Variants in STK32A observed in about 807,000 individuals in gnomAD.
STK32A encodes serine/threonine-protein kinase 32A.
Under a neutral mutation model 53.2 loss-of-function variants are expected in STK32A, and 41 were observed. The ratio of observed to expected loss-of-function variants is 0.77; its 90% CI spans 0.60 to 1.00. The LOEUF is 1.00. STK32A is among the 50% of genes least tolerant of loss of function. The pLI is 0.00. For synonymous variants in STK32A, 166 were observed against 162.8 expected (o/e 1.02, Z -0.15); for missense variants, 458 against 485.8 (o/e 0.94, Z 0.54).
chr5:147,348,676 T>A, intron 6 of STK32A: 1 of 770,610 alleles, frequency 1.3e-6, no homozygotes, highest in Non-Finnish European at 2.4e-6. Context: ...ACCTGTGGAA[T>A]TTGTTGTTTT....
intron 2 of STK32A, among the ~76,000 whole-genome samples, chr5:147,267,701 G>C (rs1027592303): frequency 6.6e-6 from 1 of 152,078 alleles, no homozygotes; most frequent in Admixed American, 6.6e-5. Flanking sequence ...CATAAGGATA[G>C]AGGCAACATG....
At chr5:147,373,467 G>T (rs772435675) in intron 10 of STK32A, among the ~76,000 whole-genome samples, 173 bp downstream of exon 10, 1 of 152,160 alleles carries the variant, frequency 6.6e-6, no homozygotes, top group Non-Finnish European at 1.5e-5. Context: ...GTCACCAAAG[G>T]TCACAAAGCT....
the STK32A span, chr5:147,399,282 T>C: frequency 1.9e-6 from 3 of 1,607,232 alleles, no homozygotes; most frequent in Non-Finnish European, 2.6e-6. Context: ...TATATCTATA[T>C]CTATAGCTAC....
chr5:147,298,759 C>A (rs953844142), intron 4 of STK32A, among the ~76,000 whole-genome samples: 3 of 152,042 alleles, frequency 2.0e-5, no homozygotes, highest in Non-Finnish European at 4.4e-5. Flanking sequence ...ACAAAGAAAA[C>A]CTTAACTTCA....
At position 147,373,111 on chromosome 5, in the gene STK32A, A is replaced by AT. The variant is rs545467225; in HGVS notation, c.778-49dup. ...AAAGCATTTAGAGGGAATTTGTATG[A>AT]TTTTTTTTTGTCCTTCTATCCTTTC... is the stretch of plus-strand genomic sequence containing the variant. On this transcript the variant is annotated intron_variant, in intron 9 of 12. Transcript: ENST00000397936. The AT allele has an allele frequency of 7.4e-4, 1,159 of 1,575,520 alleles. 2 individuals are homozygous for AT. Among genetic ancestry groups the AT allele is most frequent in the African/African-American group, 8.9e-4 (65 of 72,678 alleles).
intron 5 of STK32A, 47 bp from the exon 6 acceptor site, chr5:147,342,959 G>A (rs773923979): frequency 2.4e-5 from 39 of 1,603,844 alleles, no homozygotes; most frequent in Admixed American, 1.0e-4. Context: ...CCTTAGTTCT[G>A]TTCGTTTTAT....
At chr5:147,247,269 A>T (rs1022601811) in intron 2 of STK32A, among the ~76,000 whole-genome samples, 1 of 152,240 alleles carries the variant, frequency 6.6e-6, no homozygotes, top group Admixed American at 6.5e-5. Flanking sequence ...CTCAGGTCCC[A>T]TGAAATATAC....
At chr5:147,302,895 C>T (rs1311748975) in intron 4 of STK32A, among the ~76,000 whole-genome samples, 2 of 151,968 alleles carry the variant, frequency 1.3e-5, no homozygotes, top group East Asian at 3.9e-4. Context: ...CCTAAATTTC[C>T]TAAGCATAAA....
At chr5:147,333,186 A>G (rs1754955293) in intron 5 of STK32A, among the ~76,000 whole-genome samples, 1 of 152,104 alleles carries the variant, frequency 6.6e-6, no homozygotes, top group Non-Finnish European at 1.5e-5. Flanking sequence ...GAAATATAAA[A>G]CTATGGTTTT....
intron 4 of STK32A, among the ~76,000 whole-genome samples, chr5:147,287,852 T>TA (rs113901703): frequency 1.6e-5 from 2 of 121,386 alleles, no homozygotes; most frequent in African/African-American, 5.8e-5. Flanking sequence ...TTTAACCGAC[T>TA]AATTTTTTTT....
chr5:147,343,449 T>C (rs1755538812), intron 6 of STK32A, among the ~76,000 whole-genome samples: 1 of 152,238 alleles, frequency 6.6e-6, no homozygotes, highest in African/African-American at 2.4e-5. Context: ...CATTATTTTG[T>C]TCTCATTGCA....
chr5:147,252,862 G>C (rs935716229), intron 2 of STK32A, among the ~76,000 whole-genome samples: 1 of 151,970 alleles, frequency 6.6e-6, no homozygotes, highest in African/African-American at 2.4e-5. Flanking sequence ...TGAGGGCCAG[G>C]GATTTTTGCT....
intron 5 of STK32A, among the ~76,000 whole-genome samples, chr5:147,341,198 T>C (rs1206945738): frequency 1.3e-5 from 2 of 152,194 alleles, no homozygotes; most frequent in African/African-American, 4.8e-5. Flanking sequence ...GGGCCTCTTT[T>C]TCACCTGGCA....
chr5:147,317,572 G>T (rs776335964), intron 4 of STK32A, among the ~76,000 whole-genome samples: 1 of 151,728 alleles, frequency 6.6e-6, no homozygotes, highest in African/African-American at 2.4e-5. Flanking sequence ...TGATCCACCC[G>T]CTTCAGCCTC....
At position 147,384,010 on chromosome 5, in the gene STK32A, A is replaced by G. The variant is rs1227195860; in HGVS notation, c.*27A>G. ...GGCCTCATGTCTTCTTCTTGGGACA[A>G]TCTCATGCCAGAAACTTCTAATTAC... On this transcript the variant is annotated 3_prime_UTR_variant, in exon 13 of 13. Transcript: ENST00000397936. 3.1e-6 allele frequency: 5 copies of G among 1,588,740 alleles called. No homozygotes were observed. The highest frequency in any genetic ancestry group is 1.9e-5 in the Admixed American group (1 of 53,772).
At chr5:147,367,111 G>T (rs943709068) in intron 8 of STK32A, among the ~76,000 whole-genome samples, 3 of 151,752 alleles carry the variant, frequency 2.0e-5, no homozygotes, top group Non-Finnish European at 4.4e-5. Flanking sequence ...TGTCCCCCAG[G>T]CTGGAGTGCA....
intron 5 of STK32A, chr5:147,342,704 T>C (rs1755489203): frequency 5.4e-6 from 2 of 371,258 alleles, no homozygotes; most frequent in Admixed American, 8.3e-5. Flanking sequence ...ATCTACATGC[T>C]TAGATACAAC....
chr5:147,246,807 A>G (rs984645854), intron 2 of STK32A, among the ~76,000 whole-genome samples: 2 of 152,208 alleles, frequency 1.3e-5, no homozygotes, highest in Admixed American at 1.3e-4. Context: ...ATGTTGCATA[A>G]TTTATATCTA....
At chr5:147,321,950 TA>T (rs1263673650) in intron 4 of STK32A, among the ~76,000 whole-genome samples, 2 of 152,234 alleles carry the variant, frequency 1.3e-5, no homozygotes, top group African/African-American at 2.4e-5. Flanking sequence ...AGGCCTTGCT[TA>T]CATCCCACAA....
Sources: allele counts gnomAD v4.1 joint callset (sites outside exome capture counted in the v4.1 genomes callset), GRCh38; gene constraint gnomAD v4.1.1; transcripts MANE v1.5; gene names NCBI Gene and HGNC (gene_info 2026-07-23, HGNC 2026-07-21).